The following SCML2 variants were observed in gnomAD, a reference collection of about 807,000 sequenced individuals.
SCML2 encodes Scm polycomb group protein like 2.
Under a neutral mutation model 48.4 loss-of-function variants are expected in SCML2, and 6 were observed. The ratio of observed to expected loss-of-function variants is 0.12; its 90% confidence interval spans 0.07 to 0.24. The LOEUF (loss-of-function observed/expected upper bound fraction) is 0.24, where lower values mean the gene tolerates loss of function less well. Ranked by LOEUF, SCML2 falls within the 10% of genes least tolerant of loss-of-function variation. SCML2 has a pLI of 1.00. For missense variants in SCML2, 377 were observed against 528.2 expected (o/e 0.71, Z 2.81); for synonymous variants, 181 against 189.5 (o/e 0.95, Z 0.37).
chrX:18,321,916 AC>A (rs759917260), intron 5 of SCML2, among the ~76,000 whole-genome samples: 38 of 111,882 alleles, frequency 3.4e-4, no homozygotes, highest in African/African-American at 1.1e-3. Flanking sequence ...AGATGGTAGT[AC>A]CTTTAGGAAA....
chrX:18,343,170 CCTTT>C (rs1282863389), intron 1 of SCML2, among the ~76,000 whole-genome samples: 1 of 107,849 alleles, frequency 9.3e-6, no homozygotes, highest in Non-Finnish European at 1.9e-5. Flanking sequence ...GCCCCACCTC[CCTTT>C]TTTTTTTATT....
At chrX:18,250,161 A>G (rs1194402883) in intron 11 of SCML2, among the ~76,000 whole-genome samples, 1 of 111,576 alleles carries the variant, frequency 9.0e-6, no homozygotes, top group African/African-American at 3.3e-5. Flanking sequence ...AAAGGAAAAA[A>G]AAATCAGTAA....
chrX:18,339,726 A>T (rs997508819), intron 1 of SCML2, among the ~76,000 whole-genome samples: 1 of 111,278 alleles, frequency 9.0e-6, no homozygotes, highest in Non-Finnish European at 1.9e-5. Context: ...CTAAAAATAA[A>T]AATTAAATTA....
At chrX:18,243,961 T>C (rs918116309) in intron 13 of SCML2, among the ~76,000 whole-genome samples, 2 of 112,167 alleles carry the variant, frequency 1.8e-5, no homozygotes, top group Non-Finnish European at 3.8e-5. Flanking sequence ...CTCTGGACTA[T>C]GGCCATTTTA....
chrX:18,239,862 TG>T lies in SCML2; in HGVS notation c.*1388del, dbSNP rs1197535258. The T allele has an allele frequency of 1.8e-5, 2 of 111,551 alleles. No homozygotes were observed. Among genetic ancestry groups the T allele is most frequent in the Non-Finnish European group, 3.8e-5 (2 of 53,104 alleles). 9.2% of individuals were successfully genotyped at this position (111,551 alleles called of 1,213,427 possible). A position where few individuals can be genotyped will look rare whatever the true frequency, so the allele number is the denominator to read the frequency against. On this transcript the variant is annotated 3_prime_UTR_variant, in exon 15 of 15. Coordinates refer to ENST00000251900, the MANE Select transcript of SCML2 (RefSeq NM_006089.3). ...TCTCTACAAAATTAGCTGGGCGTGG[TG>T]GTGCATTCCTGTAATCGCTGAGGCA... is the stretch of plus-strand genomic sequence containing the variant.
chrX:18,250,756 T>TA (rs1300841550), intron 11 of SCML2, among the ~76,000 whole-genome samples: 3 of 109,470 alleles, frequency 2.7e-5, no homozygotes, highest in Admixed American at 9.8e-5. Flanking sequence ...TCTAAAGAAC[T>TA]AAAAAAAAGG....
intron 7 of SCML2, among the ~76,000 whole-genome samples, chrX:18,273,514 A>G (rs1369069128): frequency 9.0e-6 from 1 of 111,719 alleles, no homozygotes. Flanking sequence ...TCTTGAAGTC[A>G]TCCTTGTATG....
rs139726773 is a variant in SCML2 at position 18,265,622 on chromosome X, A to G, written c.911T>C (p.Ile304Thr). The G allele has an allele frequency of 1.5e-4, 178 of 1,209,497 alleles. No individual in the cohort carries two copies. Among genetic ancestry groups the G allele is most frequent in the Non-Finnish European group, 1.8e-4 (160 of 895,025 alleles). Residue 304 changes from isoleucine (I) to threonine (T), a missense_variant, in exon 8 of 15, where the codon ATC (isoleucine) becomes ACC (threonine). By Grantham distance (89) the Ile-to-Thr change is moderately conservative. Coordinates refer to ENST00000251900, the MANE Select transcript of SCML2 (RefSeq NM_006089.3). ...GTTTGGACCTTTTTTCCTTGGTGTGATATTTTTAACAGAACTGCTCCTTTT... is the reference window on the plus strand; with the variant it reads ...GTTTGGACCTTTTTTCCTTGGTGTGGTATTTTTAACAGAACTGCTCCTTTT... ...VPKRSSSVKN[I>T]TPRKKGPNSG...
chrX:18,251,671 C>T (rs780327543), intron 11 of SCML2, among the ~76,000 whole-genome samples: 1 of 112,031 alleles, frequency 8.9e-6, no homozygotes, highest in South Asian at 3.7e-4. Context: ...AACTTTCATT[C>T]ACTGCTGATG....
chrX:18,334,685 A>G (rs1929755018), intron 1 of SCML2, among the ~76,000 whole-genome samples: 2 of 112,197 alleles, frequency 1.8e-5, no homozygotes, highest in Admixed American at 1.9e-4. Flanking sequence ...AATATGCCAG[A>G]CATTCTGCAG....
At chrX:18,307,037 C>T (rs1468574694) in intron 6 of SCML2, among the ~76,000 whole-genome samples, 3 of 111,115 alleles carry the variant, frequency 2.7e-5, no homozygotes, top group African/African-American at 6.6e-5. Flanking sequence ...TAATTCAGCA[C>T]TTTGGGAGGC....
chrX:18,317,061 T>C (rs1392644676), intron 6 of SCML2, among the ~76,000 whole-genome samples: 1 of 111,944 alleles, frequency 8.9e-6, no homozygotes, highest in Non-Finnish European at 1.9e-5. Flanking sequence ...ATTTAAAACA[T>C]ACACCCCTTT....
intron 7 of SCML2, among the ~76,000 whole-genome samples, chrX:18,289,327 C>CA (rs1288754526): frequency 1.8e-5 from 2 of 111,984 alleles, no homozygotes; most frequent in Non-Finnish European, 3.8e-5. Flanking sequence ...TCATAATAGC[C>CA]ATCTCATTTG....
At chrX:18,310,467 T>C (rs1202426508) in intron 6 of SCML2, among the ~76,000 whole-genome samples, 1 of 109,774 alleles carries the variant, frequency 9.1e-6, no homozygotes, top group South Asian at 3.9e-4. Context: ...GGTTTTGCCA[T>C]GTTGGCCAGG....
intron 1 of SCML2, among the ~76,000 whole-genome samples, chrX:18,353,121 C>A (rs1930424013): frequency 1.0e-5 from 1 of 98,535 alleles, no homozygotes; most frequent in African/African-American, 3.8e-5. Flanking sequence ...TTTCACATTC[C>A]TCCCATTAAA....
chrX:18,288,421 C>A (rs1258011830), intron 7 of SCML2, among the ~76,000 whole-genome samples: 1 of 110,654 alleles, frequency 9.0e-6, no homozygotes, highest in Non-Finnish European at 1.9e-5. Flanking sequence ...ACTTGACTTA[C>A]AATAGGACTA....
At chrX:18,332,593 T>C (rs1929691288) in intron 2 of SCML2, among the ~76,000 whole-genome samples, 1 of 112,080 alleles carries the variant, frequency 8.9e-6, no homozygotes, top group Non-Finnish European at 1.9e-5. Context: ...TAAAGAATGA[T>C]AGAATACCTT....
In SCML2 at chrX:18,291,734, AATG is replaced by A. The variant is rs751274747; in HGVS notation, c.730+13235_730+13237del. 5.4e-3 allele frequency among the ~76,000 whole-genome samples: 606 copies of A among 111,470 alleles called. 2 individuals carry two copies. Among genetic ancestry groups the A allele is most frequent in the Middle Eastern group, 0.019 (4 of 210 alleles). ...GAAATATTCAAAGTATTGTCATTTG[AATG>A]ATGTGTTTAAAAAAAAAGAATAGAA... On this transcript the variant is annotated intron_variant, in intron 7 of 14. Transcript: ENST00000251900.
chrX:18,350,653 G>A (rs902068762), intron 1 of SCML2, among the ~76,000 whole-genome samples: 6 of 109,489 alleles, frequency 5.5e-5, no homozygotes, highest in Admixed American at 2.9e-4. Flanking sequence ...GCTGAGGCAG[G>A]AGAATTGCTT....
Sources: gnomAD v4.1 joint callset for allele counts (sites outside exome capture counted in the v4.1 genomes callset) on GRCh38, gnomAD v4.1.1 for gene constraint, MANE v1.5 for transcripts, NCBI Gene and HGNC (gene_info 2026-07-23, HGNC 2026-07-21) for gene names.